Variants in MBNL2 observed in about 807,000 individuals in gnomAD.
MBNL2 encodes the protein muscleblind like splicing regulator 2, also known as muscleblind-like protein 2.
Under a neutral mutation model 41.9 loss-of-function variants are expected in MBNL2, and 17 were observed. The ratio of observed to expected loss-of-function variants is 0.41; its 90% CI spans 0.28 to 0.61. The LOEUF is 0.61. MBNL2 is among the 20% of genes least tolerant of loss of function. The pLI is 0.35. For missense variants in MBNL2, 336 were observed against 505.6 expected, an observed-to-expected ratio of 0.66 and a Z score of 3.22; for synonymous variants, 195 against 182.9, an observed-to-expected ratio of 1.07 and a Z score of -0.53.
At chr13:97,203,358 C>T in the MBNL2 span, among the ~76,000 whole-genome samples, 1 of 152,062 alleles carries the variant, frequency 6.6e-6, no homozygotes, top group African/African-American at 2.4e-5. Flanking sequence ...TGAATAGAGG[C>T]GCAAGTCTTT....
At chr13:97,173,675 G>A in the MBNL2 span, among the ~76,000 whole-genome samples, 1 of 152,080 alleles carries the variant, frequency 6.6e-6, no homozygotes, top group Non-Finnish European at 1.5e-5. Flanking sequence ...CCCTTTTCCA[G>A]CCTCCTTTAA....
At chr13:97,325,129 C>G (rs1184581703) in intron 2 of MBNL2, among the ~76,000 whole-genome samples, 1 of 152,182 alleles carries the variant, frequency 6.6e-6, no homozygotes, top group South Asian at 2.1e-4. Context: ...ATGGTCCACA[C>G]TAACCAAACT....
Position 97,357,452 on chromosome 13 carries a change from G to T in MBNL2, c.859-30G>T, listed in dbSNP as rs761669302. The T allele has an allele frequency of 2.5e-6, 4 of 1,601,368 alleles. No individual in the cohort carries two copies. The Admixed American group carries it at 6.7e-5, about 27-fold the overall frequency. ...TGGAAGGTGTGTTTGCTTTAAGTTA[G>T]ACATATCTTATCGAATTCTTCATTT... On this transcript the variant is annotated intron_variant, in intron 6 of 8. Coordinates refer to ENST00000679496, the MANE Select transcript of MBNL2 (RefSeq NM_001382683.1).
chr13:97,190,701 A>T, the MBNL2 span, among the ~76,000 whole-genome samples: 1 of 152,204 alleles, frequency 6.6e-6, no homozygotes, highest in African/African-American at 2.4e-5. Flanking sequence ...GTGCCCATGG[A>T]GGAGCACTGA....
chr13:97,238,784 T>C (rs1410211326), intron 1 of MBNL2, among the ~76,000 whole-genome samples: 3 of 152,174 alleles, frequency 2.0e-5, no homozygotes, highest in African/African-American at 7.2e-5. Context: ...CAAGGTGTGC[T>C]GGGCTGCCTG....
intron 5 of MBNL2, among the ~76,000 whole-genome samples, chr13:97,353,845 C>G (rs1284761829): frequency 6.6e-6 from 1 of 151,890 alleles, no homozygotes; most frequent in Non-Finnish European, 1.5e-5. Flanking sequence ...AGATACGTTT[C>G]GATTGTTCAG....
chr13:97,358,192 C>T lies in MBNL2; in HGVS notation c.1012+557C>T, dbSNP rs568122017. Among the ~76,000 whole-genome samples the T allele has an allele frequency of 5.3e-4, 80 of 152,274 alleles. 1 individual carries two copies. The highest frequency in any genetic ancestry group is 1.7e-3 in the African/African-American group (72 of 41,560). ...TCTAAGCCAATGCCTGATACTATTA[C>T]GTACGATGTGCATTAACTATGATTC... On this transcript the variant is annotated intron_variant, in intron 7 of 8. Transcript: ENST00000679496.
intron 1 of MBNL2, among the ~76,000 whole-genome samples, chr13:97,228,042 T>C (rs1465976944): frequency 2.0e-5 from 3 of 152,198 alleles, no homozygotes; most frequent in Admixed American, 6.5e-5. Context: ...GAGCATCTCA[T>C]TGAGTTCTCC....
At chr13:97,146,237 G>A in the MBNL2 span, among the ~76,000 whole-genome samples, 4 of 149,324 alleles carry the variant, frequency 2.7e-5, no homozygotes, top group African/African-American at 7.4e-5. Flanking sequence ...TCCTTACCTC[G>A]TGATCCTCCC....
chr13:97,147,687 TC>T, the MBNL2 span, among the ~76,000 whole-genome samples: 1 of 152,038 alleles, frequency 6.6e-6, no homozygotes, highest in African/African-American at 2.4e-5. Context: ...ACAGCCAGAG[TC>T]CGTGTAGGTA....
chr13:97,362,926 G>A (rs954726458), intron 7 of MBNL2: 1 of 152,326 alleles, frequency 6.6e-6, no homozygotes, highest in Non-Finnish European at 1.5e-5. Flanking sequence ...ACAAGGGGAA[G>A]GGGTGTGAGG....
At chr13:97,252,375 T>C (rs1479289430) in intron 1 of MBNL2, among the ~76,000 whole-genome samples, 1 of 151,354 alleles carries the variant, frequency 6.6e-6, no homozygotes, top group Non-Finnish European at 1.5e-5. Context: ...GCCACAATCA[T>C]TTTTCAGGTT....
At chr13:97,347,179 C>T in intron 5 of MBNL2, 112 bp downstream of exon 5, 1 of 832,242 alleles carries the variant, frequency 1.2e-6, no homozygotes, top group Non-Finnish European at 1.8e-6. Context: ...GCTGCTATTC[C>T]TGCTGCTCCG....
At chr13:97,349,417 A>G (rs2062211687) in intron 5 of MBNL2, among the ~76,000 whole-genome samples, 1 of 152,178 alleles carries the variant, frequency 6.6e-6, no homozygotes, top group Admixed American at 6.5e-5. Context: ...ATCCCATAGG[A>G]AGCAAATTTT....
chr13:97,262,584 T>G (rs2048849343), intron 1 of MBNL2, among the ~76,000 whole-genome samples: 1 of 152,130 alleles, frequency 6.6e-6, no homozygotes, highest in Non-Finnish European at 1.5e-5. Context: ...CCCTTCTCCC[T>G]CTCTTATTTT....
the MBNL2 span, among the ~76,000 whole-genome samples, chr13:97,192,692 A>G: frequency 1.3e-5 from 2 of 152,184 alleles, no homozygotes; most frequent in African/African-American, 2.4e-5. Context: ...TTAGCCAAGG[A>G]CCTGACCTGT....
intron 8 of MBNL2, among the ~76,000 whole-genome samples, chr13:97,391,027 A>T (rs2066362246): frequency 6.6e-6 from 1 of 152,214 alleles, no homozygotes; most frequent in Non-Finnish European, 1.5e-5. Context: ...CAAAAATTTT[A>T]AAAAGAAATT....
At chr13:97,170,782 C>A in the MBNL2 span, among the ~76,000 whole-genome samples, 1 of 152,174 alleles carries the variant, frequency 6.6e-6, no homozygotes, top group Non-Finnish European at 1.5e-5. Flanking sequence ...TAATGGCTGG[C>A]AATTGTTCAT....
At chr13:97,301,995 T>G (rs2057673160) in intron 2 of MBNL2, among the ~76,000 whole-genome samples, 2 of 152,196 alleles carry the variant, frequency 1.3e-5, no homozygotes, top group South Asian at 4.1e-4. Context: ...GGTGACCATA[T>G]TCCAGTGTTT....
Sources: gnomAD v4.1 joint callset for allele counts (sites outside exome capture counted in the v4.1 genomes callset) on GRCh38, gnomAD v4.1.1 for gene constraint, MANE v1.5 for transcripts, NCBI Gene and HGNC (gene_info 2026-07-23, HGNC 2026-07-21) for gene names.